The following TRPM3 variants were observed in gnomAD, a reference collection of about 807,000 sequenced individuals.
The protein encoded by TRPM3 is long transient receptor potential channel 3.
A neutral mutation model predicts 181.2 loss-of-function variants in TRPM3; 77 were observed. The ratio of observed to expected loss-of-function variants is 0.42; its 90% confidence interval spans 0.35 to 0.51. The LOEUF (loss-of-function observed/expected upper bound fraction) is 0.51. Ranked by LOEUF, TRPM3 falls within the 20% of genes least tolerant of loss-of-function variation. The pLI is 0.01. For missense variants in TRPM3, 1,759 were observed against 2,196.7 expected, an observed-to-expected ratio of 0.80 and a Z score of 3.98; for synonymous variants, 745 against 796.4, an observed-to-expected ratio of 0.94 and a Z score of 1.09.
intron 1 of TRPM3, among the ~76,000 whole-genome samples, chr9:70,924,701 G>A (rs1436042854): frequency 6.6e-6 from 1 of 152,026 alleles, no homozygotes; most frequent in Non-Finnish European, 1.5e-5. Context: ...ATATTTTTGC[G>A]CTAAGCTAAA....
chr9:71,204,967 A>G (rs2131754654), intron 1 of TRPM3, among the ~76,000 whole-genome samples: 1 of 152,290 alleles, frequency 6.6e-6, no homozygotes, highest in Middle Eastern at 3.4e-3. Context: ...GCAAGGACAA[A>G]AAACCAAACA....
intron 1 of TRPM3, among the ~76,000 whole-genome samples, chr9:71,144,653 A>C (rs1372640896): frequency 6.6e-6 from 1 of 152,146 alleles, no homozygotes; most frequent in Non-Finnish European, 1.5e-5. Context: ...GTTATATATA[A>C]TCCTTACTTG....
intron 7 of TRPM3, among the ~76,000 whole-genome samples, chr9:70,770,827 C>A (rs1402271934): frequency 6.6e-6 from 1 of 152,140 alleles, no homozygotes; most frequent in Non-Finnish European, 1.5e-5. Context: ...ACATTAGGGG[C>A]TTTTGCACCT....
intron 8 of TRPM3, among the ~76,000 whole-genome samples, chr9:70,746,244 G>A (rs1307652719): frequency 7.0e-6 from 1 of 143,584 alleles, no homozygotes; most frequent in African/African-American, 2.6e-5. Context: ...ATACAGACAG[G>A]ATGCCCATTT....
intron 1 of TRPM3, among the ~76,000 whole-genome samples, chr9:71,183,163 C>G (rs1009960950): frequency 6.6e-6 from 1 of 150,686 alleles, no homozygotes; most frequent in Non-Finnish European, 1.5e-5. Context: ...TTAAGTAAGA[C>G]TTAATATCAA....
chr9:71,056,152 C>T (rs1445012359), intron 1 of TRPM3, among the ~76,000 whole-genome samples: 1 of 151,922 alleles, frequency 6.6e-6, no homozygotes, highest in East Asian at 1.9e-4. Flanking sequence ...AGTATCAAAA[C>T]AACATCCTTG....
At chr9:70,883,792 C>G (rs1023623641) in intron 1 of TRPM3, among the ~76,000 whole-genome samples, 1 of 152,194 alleles carries the variant, frequency 6.6e-6, no homozygotes, top group African/African-American at 2.4e-5. Context: ...CAAGTTCACA[C>G]CACTAGTAAC....
intron 1 of TRPM3, among the ~76,000 whole-genome samples, chr9:70,957,039 C>A (rs1313733232): frequency 6.6e-6 from 1 of 150,578 alleles, no homozygotes; most frequent in Admixed American, 6.6e-5. Flanking sequence ...CGGCTCACTG[C>A]AACCTCTGCT....
intron 9 of TRPM3, among the ~76,000 whole-genome samples, chr9:70,644,456 C>A (rs1291100704): frequency 2.6e-5 from 4 of 152,126 alleles, no homozygotes; most frequent in Admixed American, 6.5e-5. Flanking sequence ...ACGACAAAAA[C>A]CACATGATTA....
chr9:70,788,718 C>T (rs112685464), intron 6 of TRPM3, among the ~76,000 whole-genome samples: 243 of 152,220 alleles, frequency 1.6e-3, no homozygotes, highest in African/African-American at 5.6e-3. Flanking sequence ...CCTGAGCTTG[C>T]TTTCTCATCT....
rs533598144 is a variant in TRPM3, at chr9:70,949,970, T to C, written c.178-85459A>G. 8.3e-4 allele frequency among the ~76,000 whole-genome samples: 127 copies of C among 152,278 alleles called. 1 individual carries two copies. The highest frequency in any genetic ancestry group is 4.8e-3 in the South Asian group (23 of 4,826). ...TGATAGAGTCCATGTGAAACTTGGA[T>C]GCTAATTTGGCACTGCAGTTTGGAA... On this transcript the variant is annotated intron_variant, in intron 1 of 25. Coordinates refer to ENST00000677713, the MANE Select transcript of TRPM3 (RefSeq NM_001366145.2).
intron 1 of TRPM3, among the ~76,000 whole-genome samples, chr9:70,947,445 A>G (rs536921789): frequency 8.4e-4 from 128 of 152,268 alleles, no homozygotes; most frequent in African/African-American, 2.9e-3. Context: ...TAATTTAGAA[A>G]CCAAGGGTAT....
intron 1 of TRPM3, among the ~76,000 whole-genome samples, chr9:70,989,799 G>T (rs1341884003): frequency 6.6e-6 from 1 of 152,144 alleles, no homozygotes; most frequent in Non-Finnish European, 1.5e-5. Context: ...AATTAAGTTA[G>T]ATATAATAGA....
chr9:71,248,346 AGGTGG>A lies in TRPM3; in HGVS notation c.183+198302_183+198306del, dbSNP rs1384179407. ...GGCTGCAGGGCCTCTGGGTATGGTA[AGGTGG>A]TTTCTTCTTCCTCTGGACATTCTGA... On this transcript the variant is annotated intron_variant, in intron 1 of 24. Transcript: ENST00000357533. 2.6e-5 allele frequency among the ~76,000 whole-genome samples: 4 copies of A among 152,164 alleles called. No individual in the cohort carries two copies. The East Asian group carries it at 7.7e-4, about 29-fold the overall frequency.
chr9:70,632,205 C>A (rs2065981011), intron 12 of TRPM3, among the ~76,000 whole-genome samples: 2 of 152,052 alleles, frequency 1.3e-5, no homozygotes, highest in African/African-American at 4.8e-5. Flanking sequence ...TTTGATTATC[C>A]TATTGGCCTA....
At chr9:70,839,861 T>C (rs35439720) in intron 5 of TRPM3, among the ~76,000 whole-genome samples, 5,326 of 152,292 alleles carry the variant, frequency 0.035, 117 homozygotes, top group Middle Eastern at 0.075. Flanking sequence ...TGATGTCTAA[T>C]GCTAAAAGGT....
intron 1 of TRPM3, among the ~76,000 whole-genome samples, chr9:71,137,908 G>A (rs2183300): frequency 0.32 from 48,112 of 152,072 alleles, 8,839 homozygotes; most frequent in Middle Eastern, 0.47. Flanking sequence ...CCTGAGGTCA[G>A]GAGTTCAAGA....
intron 1 of TRPM3, among the ~76,000 whole-genome samples, chr9:71,445,464 T>TG (rs1243830057): frequency 6.6e-6 from 1 of 152,184 alleles, no homozygotes; most frequent in Non-Finnish European, 1.5e-5. Flanking sequence ...CATATTTAGA[T>TG]GAAAAAACCT....
chr9:71,255,404 T>G (rs1327379032), intron 1 of TRPM3, among the ~76,000 whole-genome samples: 1 of 152,152 alleles, frequency 6.6e-6, no homozygotes, highest in Non-Finnish European at 1.5e-5. Flanking sequence ...ATAATACCCA[T>G]TGGCTGGCCA....
Sources: gnomAD v4.1 joint callset for allele counts (sites outside exome capture counted in the v4.1 genomes callset) on GRCh38, gnomAD v4.1.1 for gene constraint, MANE v1.5 for transcripts, NCBI Gene and HGNC (gene_info 2026-07-23, HGNC 2026-07-21) for gene names.